QKI: variants seen among roughly 807,000 people sequenced by gnomAD.
QKI encodes QKI, KH domain containing RNA binding.
QKI carries 10 observed loss-of-function variants against 39.0 expected under a neutral mutation model. The observed-to-expected ratio is 0.26, with a 90% CI of 0.16 to 0.43. The LOEUF (loss-of-function observed/expected upper bound fraction) is 0.43, where lower values mean the gene tolerates loss of function less well. Ranked by LOEUF, QKI falls within the 20% of genes least tolerant of loss-of-function variation. The pLI is 1.00. For missense variants in QKI, 218 were observed against 428.0 expected (o/e 0.51, Z 4.33); for synonymous variants, 204 against 155.4 (o/e 1.31, Z -2.33).
intron 3 of QKI, among the ~76,000 whole-genome samples, chr6:163,480,476 T>C (rs765982110): frequency 9.2e-5 from 14 of 152,176 alleles, no homozygotes; most frequent in Non-Finnish European, 1.5e-4. Context: ...ATAAGCTGAC[T>C]GGATCTCATT....
At chr6:163,440,087 A>G (rs1789652986) in intron 1 of QKI, among the ~76,000 whole-genome samples, 1 of 151,974 alleles carries the variant, frequency 6.6e-6, no homozygotes, top group African/African-American at 2.4e-5. Flanking sequence ...ATATGTCTCT[A>G]CTTTTTTGTT....
intron 3 of QKI, among the ~76,000 whole-genome samples, chr6:163,513,019 G>A (rs1009788170): frequency 1.4e-4 from 21 of 152,040 alleles, no homozygotes; most frequent in Admixed American, 9.2e-4. Context: ...AAGATGCTTC[G>A]AGAGATCACA....
At chr6:163,518,356 G>C (rs1779957900) in intron 3 of QKI, among the ~76,000 whole-genome samples, 1 of 152,106 alleles carries the variant, frequency 6.6e-6, no homozygotes, top group Non-Finnish European at 1.5e-5. Flanking sequence ...CCCTTTTGTA[G>C]TCAGGATGGA....
At chr6:163,517,990 C>A (rs1377339909) in intron 3 of QKI, among the ~76,000 whole-genome samples, 1 of 152,098 alleles carries the variant, frequency 6.6e-6, no homozygotes, top group Non-Finnish European at 1.5e-5. Context: ...CCCTGCCCTA[C>A]ATATTCTTTG....
chr6:163,427,445 C>T lies in QKI; in HGVS notation c.142+12110C>T, dbSNP rs866448283. 4.6e-5 allele frequency among the ~76,000 whole-genome samples: 7 copies of T among 151,688 alleles called. 1 individual carries two copies. The highest frequency in any genetic ancestry group is 6.8e-3 in the Middle Eastern group (2 of 294). On this transcript the variant is annotated intron_variant, in intron 1 of 7. Coordinates refer to ENST00000361752, the MANE Select transcript of QKI (RefSeq NM_006775.3). ...TGTTACCAATAATATAGCCAGTGACCCATTTTTCTGGTTGATGACAATTAT... is the reference window on the plus strand; with the variant it reads ...TGTTACCAATAATATAGCCAGTGACTCATTTTTCTGGTTGATGACAATTAT...
intron 1 of QKI, among the ~76,000 whole-genome samples, chr6:163,443,235 C>G (rs1287152299): frequency 3.3e-5 from 5 of 152,100 alleles, no homozygotes; most frequent in African/African-American, 1.2e-4. Flanking sequence ...TGTTGTAGTT[C>G]CTTTTGGAAT....
chr6:163,528,279 G>C, intron 3 of QKI, among the ~76,000 whole-genome samples: 1 of 152,126 alleles, frequency 6.6e-6, no homozygotes, highest in Non-Finnish European at 1.5e-5. Context: ...ATATTTAAAG[G>C]TAAAAAGGTA....
intron 4 of QKI, among the ~76,000 whole-genome samples, chr6:163,550,953 A>AG (rs1309337509): frequency 6.6e-6 from 1 of 151,402 alleles, no homozygotes; most frequent in African/African-American, 2.4e-5. Context: ...TCTCACAAAA[A>AG]AAAAAAAAAG....
chr6:163,441,889 G>A (rs1282702283), intron 1 of QKI, among the ~76,000 whole-genome samples: 2 of 152,212 alleles, frequency 1.3e-5, no homozygotes, highest in Non-Finnish European at 2.9e-5. Flanking sequence ...GTGAGGGCAA[G>A]GGGAGCCTGT....
chr6:163,551,958 C>A lies in QKI; in HGVS notation c.547-10024C>A, dbSNP rs143481638. 5.9e-4 allele frequency among the ~76,000 whole-genome samples: 90 copies of A among 152,256 alleles called. 1 individual carries two copies. The East Asian group carries it at 0.014, about 24-fold the overall frequency. On this transcript the variant is annotated intron_variant, in intron 4 of 7. Coordinates refer to ENST00000361752, the MANE Select transcript of QKI (RefSeq NM_006775.3). ...TAGTAGGGATTAGGGGAACCACCCC[C>A]ACGTGCAGTTGAAAATCCACGTATA...
intron 3 of QKI, among the ~76,000 whole-genome samples, chr6:163,530,271 TATC>T (rs1350991275): frequency 3.3e-5 from 5 of 152,332 alleles, no homozygotes; most frequent in African/African-American, 1.2e-4. Context: ...TGTGCGTCCA[TATC>T]ATCATCCCTC....
At chr6:163,558,424 C>T (rs1782781131) in intron 4 of QKI, among the ~76,000 whole-genome samples, 1 of 138,476 alleles carries the variant, frequency 7.2e-6, no homozygotes, top group African/African-American at 2.7e-5. Context: ...TTTTTTGAGA[C>T]AGTCTCGCCC....
intron 3 of QKI, among the ~76,000 whole-genome samples, chr6:163,504,676 C>A (rs1241738619): frequency 6.6e-6 from 1 of 152,132 alleles, no homozygotes; most frequent in Non-Finnish European, 1.5e-5. Flanking sequence ...AGGAATGCAA[C>A]TGATTTTTGT....
In QKI at chr6:163,480,259, T is replaced by TTC. The variant is rs372934674; in HGVS notation, c.402+1381_402+1382dup. On this transcript the variant is annotated intron_variant, in intron 3 of 7. Transcript: ENST00000361752. ...TCTGTCTGTCTGTCTGTCTGTCTCT[T>TTC]TCTCTCTCTCTCTCTCTCTTTCTTC... is the stretch of plus-strand genomic sequence containing the variant. Among the ~76,000 whole-genome samples, 948 of 149,536 alleles carry TTC rather than the reference T, an allele frequency of 6.3e-3. 6 individuals carry two copies. Among genetic ancestry groups the TTC allele is most frequent in the Middle Eastern group, 0.014 (4 of 292 alleles).
Position 163,574,497 on chromosome 6 carries a change from C to T in QKI, c.*3787C>T, listed in dbSNP as rs1783872575. ...CCTCAGCACGTTACTGAGCTTTCCT[C>T]AGGTATTTTTTTCTCTGTCACCTAC... On this transcript the variant is annotated 3_prime_UTR_variant, in exon 8 of 8. Coordinates refer to ENST00000361752, the MANE Select transcript of QKI (RefSeq NM_006775.3). The T allele has an allele frequency of 6.6e-6, 1 of 152,182 alleles. No individual in the cohort carries two copies. The highest frequency in any genetic ancestry group is 6.6e-5 in the Admixed American group (1 of 15,266). The allele number at this position is 152,182 out of a possible 1,614,324, so 9.4% of individuals were successfully genotyped here.
intron 3 of QKI, among the ~76,000 whole-genome samples, chr6:163,526,424 C>CAT (rs779231397): frequency 2.0e-5 from 3 of 152,158 alleles, no homozygotes; most frequent in Admixed American, 1.3e-4. Flanking sequence ...CAAAATCTCA[C>CAT]ATATGAATTA....
chr6:163,433,406 T>C lies in QKI; in HGVS notation c.142+18071T>C, dbSNP rs573484710. Among the ~76,000 whole-genome samples the C allele has an allele frequency of 7.2e-5, 11 of 152,302 alleles. No homozygotes were observed. In the South Asian group the frequency reaches 2.3e-3, roughly 32 times the overall value. ...TTCAGAGTCTCTTTAATTGTTAATG[T>C]TACTATTATTAAATAACAGGTACAT... On this transcript the variant is annotated intron_variant, in intron 1 of 7. Transcript: ENST00000361752.
intron 3 of QKI, among the ~76,000 whole-genome samples, chr6:163,500,128 A>G (rs1778667919): frequency 6.6e-6 from 1 of 152,172 alleles, no homozygotes; most frequent in African/African-American, 2.4e-5. Context: ...CAAGGGTGGA[A>G]AGTGGGAAGA....
intron 3 of QKI, among the ~76,000 whole-genome samples, chr6:163,482,300 T>C (rs1258539570): frequency 6.6e-6 from 1 of 152,210 alleles, no homozygotes; most frequent in Non-Finnish European, 1.5e-5. Flanking sequence ...AACTTGAATA[T>C]TGAGTATTAG....
Sources: gnomAD v4.1 joint callset for allele counts (sites outside exome capture counted in the v4.1 genomes callset) on GRCh38, gnomAD v4.1.1 for gene constraint, MANE v1.5 for transcripts, NCBI Gene and HGNC (gene_info 2026-07-23, HGNC 2026-07-21) for gene names.